Variants in GNAO1 observed in about 807,000 individuals in gnomAD.
GNAO1 encodes the protein guanine nucleotide-binding protein G(o) subunit alpha.
For missense variants in GNAO1, 166 were observed against 478.7 expected, an observed-to-expected ratio of 0.35 and a Z score of 6.10; for synonymous variants, 164 against 180.7, an observed-to-expected ratio of 0.91 and a Z score of 0.74.
intron 2 of GNAO1, among the ~76,000 whole-genome samples, chr16:56,240,140 G>T (rs1160277220): frequency 6.6e-6 from 1 of 152,170 alleles, no homozygotes; most frequent in Non-Finnish European, 1.5e-5. Flanking sequence ...TTACAATGGA[G>T]ATGGGATCTC....
chr16:56,318,958 G>A (rs1363317968), intron 3 of GNAO1, among the ~76,000 whole-genome samples: 3 of 152,136 alleles, frequency 2.0e-5, no homozygotes, highest in Admixed American at 6.5e-5. Flanking sequence ...TCTGTCCAAG[G>A]TCACATGGCT....
rs150055104 is a variant in GNAO1, at chr16:56,330,644, C to T, written c.464+1853C>T. On this transcript the variant is annotated intron_variant, in intron 4 of 8. Coordinates refer to ENST00000262493, the MANE Select transcript of GNAO1 (RefSeq NM_020988.3). ...TCAAAATAGTATTTACTGCCACCCACTCTGGAATCGAGGGAGCTCAGCTCA... is the reference window on the plus strand; with the variant it reads ...TCAAAATAGTATTTACTGCCACCCATTCTGGAATCGAGGGAGCTCAGCTCA... Among the ~76,000 whole-genome samples, 34 of 152,370 alleles carry T rather than the reference C, an allele frequency of 2.2e-4. No homozygotes were observed. The East Asian group carries it at 5.8e-3, about 26-fold the overall frequency.
chr16:56,238,816 T>G (rs2036666635), intron 2 of GNAO1, among the ~76,000 whole-genome samples: 1 of 152,276 alleles, frequency 6.6e-6, no homozygotes, highest in Non-Finnish European at 1.5e-5. Flanking sequence ...ATAGCCTATA[T>G]TTCTATTACT....
At chr16:56,217,631 G>A (rs1166536150) in intron 2 of GNAO1, among the ~76,000 whole-genome samples, 1 of 152,170 alleles carries the variant, frequency 6.6e-6, no homozygotes, top group Admixed American at 6.5e-5. Context: ...GGGCTGGTGA[G>A]TGACAGGTGT....
intron 2 of GNAO1, among the ~76,000 whole-genome samples, chr16:56,202,609 G>A (rs1205260484): frequency 1.3e-5 from 2 of 152,204 alleles, no homozygotes; most frequent in Non-Finnish European, 2.9e-5. Context: ...ACATGAACGT[G>A]CATCTCCTTC....
intron 2 of GNAO1, among the ~76,000 whole-genome samples, chr16:56,198,897 G>T (rs1349966553): frequency 6.6e-6 from 1 of 152,166 alleles, no homozygotes; most frequent in African/African-American, 2.4e-5. Context: ...ATAACAAACT[G>T]TGTTGTCATA....
intron 3 of GNAO1, chr16:56,276,517 T>A (rs2037062904): frequency 6.5e-6 from 1 of 154,732 alleles, no homozygotes; most frequent in Admixed American, 6.3e-5. Context: ...CTTTCCTCTT[T>A]TACACCAAGG....
In GNAO1 at chr16:56,342,543, A is replaced by C. The variant is rs1221493579; in HGVS notation, c.723+5683A>C. Among the ~76,000 whole-genome samples, 4 of 152,352 alleles carry C rather than the reference A, an allele frequency of 2.6e-5. No homozygotes were observed. In the East Asian group the frequency reaches 5.8e-4, roughly 22 times the overall value. ...TCTCCTCTCCCTGAGCCTACCTGAG[A>C]ACCAGCTCAGTGTGTTGCCCCCTGA... On this transcript the variant is annotated intron_variant, in intron 6 of 8. Transcript: ENST00000262493.
intron 2 of GNAO1, among the ~76,000 whole-genome samples, chr16:56,246,674 A>G (rs2036747531): frequency 6.6e-6 from 1 of 151,950 alleles, no homozygotes; most frequent in African/African-American, 2.4e-5. Flanking sequence ...CCTGCTGTGG[A>G]GCTTGTTCTC....
chr16:56,212,543 C>T (rs138574657), intron 2 of GNAO1, among the ~76,000 whole-genome samples: 271 of 152,304 alleles, frequency 1.8e-3, no homozygotes, highest in African/African-American at 5.5e-3. Flanking sequence ...GAAAACTAAA[C>T]GACCAGATTT....
chr16:56,356,676 A>G lies in GNAO1; in HGVS notation c.*602A>G, dbSNP rs2037971388. 6.5e-6 allele frequency: 1 copy of G among 152,762 alleles called. No individual in the cohort carries two copies. The highest frequency in any genetic ancestry group is 2.4e-5 in the African/African-American group (1 of 41,448). The allele number at this position is 152,762 out of a possible 1,614,324, so 9.5% of individuals were successfully genotyped here. On this transcript the variant is annotated 3_prime_UTR_variant, in exon 9 of 9. Coordinates refer to ENST00000262493, the MANE Select transcript of GNAO1 (RefSeq NM_020988.3). ...CTCTCACTGGCCAGTAGCTGCCAAA[A>G]AGAACACCCATCGTATAAGGAAATC...
chr16:56,292,299 C>A (rs1490212426), intron 3 of GNAO1, among the ~76,000 whole-genome samples: 1 of 152,128 alleles, frequency 6.6e-6, no homozygotes, highest in Admixed American at 6.5e-5. Context: ...CACTGCATCC[C>A]CAGAACAATC....
chr16:56,307,652 C>T (rs1242059506), intron 3 of GNAO1: 3 of 152,224 alleles, frequency 2.0e-5, no homozygotes, highest in African/African-American at 7.2e-5. Context: ...AACCCAGATC[C>T]TCTGAGGCCA....
chr16:56,340,525 C>T (rs147001678), intron 6 of GNAO1: 42 of 365,940 alleles, frequency 1.1e-4, no homozygotes, highest in Non-Finnish European at 1.2e-4. Flanking sequence ...ATGTCCTCTC[C>T]GTGAGCTGGA....
chr16:56,237,705 C>A (rs547755628), intron 2 of GNAO1, among the ~76,000 whole-genome samples: 1 of 151,998 alleles, frequency 6.6e-6, no homozygotes, highest in South Asian at 2.1e-4. Flanking sequence ...TCAGCTCCAA[C>A]AAAACCATGA....
At position 56,216,639 on chromosome 16, in the gene GNAO1, A is replaced by T. The variant is rs181245347; in HGVS notation, c.161+24023A>T. Among the ~76,000 whole-genome samples the T allele has an allele frequency of 1.8e-3, 271 of 152,344 alleles. 1 individual carries two copies. Among genetic ancestry groups the T allele is most frequent in the African/African-American group, 6.3e-3 (262 of 41,568 alleles). On this transcript the variant is annotated intron_variant, in intron 2 of 8. Coordinates refer to ENST00000262493, the MANE Select transcript of GNAO1 (RefSeq NM_020988.3). ...GATAAGACCTGATGTGGCTGTTAGG[A>T]GTATCAAATGATATAATGGATGTGA...
At chr16:56,229,944 G>A (rs1240911681) in intron 2 of GNAO1, among the ~76,000 whole-genome samples, 1 of 152,080 alleles carries the variant, frequency 6.6e-6, no homozygotes, top group East Asian at 1.9e-4. Flanking sequence ...GAGTCGAAGG[G>A]CATCGCCTGT....
At chr16:56,257,254 G>A (rs1320287554) in intron 2 of GNAO1, among the ~76,000 whole-genome samples, 1 of 152,182 alleles carries the variant, frequency 6.6e-6, no homozygotes, top group African/African-American at 2.4e-5. Flanking sequence ...GAGATGTTGA[G>A]TCGGCAATCC....
intron 2 of GNAO1, among the ~76,000 whole-genome samples, chr16:56,246,588 G>A (rs1356191455): frequency 1.3e-5 from 2 of 152,156 alleles, no homozygotes; most frequent in Non-Finnish European, 2.9e-5. Flanking sequence ...GTGTGTCCAC[G>A]AACCAGAGGT....
Sources: allele counts gnomAD v4.1 joint callset (sites outside exome capture counted in the v4.1 genomes callset), GRCh38; gene constraint gnomAD v4.1.1; transcripts MANE v1.5; gene names NCBI Gene and HGNC (gene_info 2026-07-23, HGNC 2026-07-21).